Variants in SLIT1 observed in about 807,000 individuals in gnomAD.
The protein encoded by SLIT1 is slit guidance ligand 1.
Under a neutral mutation model 186.1 loss-of-function variants are expected in SLIT1, and 66 were observed. The observed-to-expected ratio is 0.35, with a 90% CI of 0.29 to 0.44. The LOEUF (loss-of-function observed/expected upper bound fraction) is 0.44, where lower values mean the gene tolerates loss of function less well. Ranked by LOEUF, SLIT1 falls within the 20% of genes least tolerant of loss-of-function variation. The pLI, the probability that SLIT1 is intolerant of heterozygous loss-of-function variation, is 1.00. For synonymous variants in SLIT1, 761 were observed against 833.8 expected (o/e 0.91, Z 1.50); for missense variants, 1,638 against 2,037.4 (o/e 0.80, Z 3.77).
rs550653186 is a variant in SLIT1 at position 97,031,894 on chromosome 10, C to T, written c.2439-217G>A. ...AATCCCTTCTGCCTCAATCAGTTCCCCCGACTGTAAAATAGGGACAAAAAT... is the reference window on the plus strand; with the variant it reads ...AATCCCTTCTGCCTCAATCAGTTCCTCCGACTGTAAAATAGGGACAAAAAT... On this transcript the variant is annotated intron_variant, in intron 23 of 36. Coordinates refer to ENST00000266058, the MANE Select transcript of SLIT1 (RefSeq NM_003061.3). Among the ~76,000 whole-genome samples the T allele has an allele frequency of 4.2e-4, 64 of 152,378 alleles. 1 individual carries two copies. The South Asian group carries it at 0.013, about 31-fold the overall frequency.
intron 4 of SLIT1, among the ~76,000 whole-genome samples, chr10:97,119,943 A>ATATATATATATATATATG (rs1298104412): frequency 3.7e-5 from 5 of 135,420 alleles, no homozygotes; most frequent in Non-Finnish European, 6.4e-5. Context: ...ATATATATAT[A>ATATATATATATATATATG]TATGTATATG....
At chr10:97,056,911 C>G (rs550610044) in intron 12 of SLIT1, among the ~76,000 whole-genome samples, 123 of 152,300 alleles carry the variant, frequency 8.1e-4, no homozygotes, top group South Asian at 3.7e-3. Flanking sequence ...TGGGTGTCCC[C>G]CCTGCAGGAG....
chr10:97,129,150 C>T (rs950585843), intron 4 of SLIT1, among the ~76,000 whole-genome samples: 4 of 152,044 alleles, frequency 2.6e-5, no homozygotes, highest in African/African-American at 9.7e-5. Flanking sequence ...GTCTGTTATC[C>T]CAACACTTTG....
Position 97,043,584 on chromosome 10 carries a change from T to G in SLIT1, c.1854-71A>C. 1 of 1,435,864 alleles carries G rather than the reference T, an allele frequency of 7.0e-7. No homozygotes were observed. The highest frequency in any genetic ancestry group is 9.7e-7 in the Non-Finnish European group (1 of 1,034,838). 88.9% of individuals were successfully genotyped at this position (1,435,864 alleles called of 1,614,324 possible). ...CAGCCATCCACCTGGGCCACGCAGCTTCCGCCATCGTGGCTCGTTCACAGT... is the reference window on the plus strand; with the variant it reads ...CAGCCATCCACCTGGGCCACGCAGCGTCCGCCATCGTGGCTCGTTCACAGT... On this transcript the variant is annotated intron_variant, in intron 18 of 36. Transcript: ENST00000266058. This position sits in a 1 kb window ranked among gnomAD's most constrained non-coding sequence, Gnocchi z 7.0.
At chr10:97,163,964 A>T (rs71486113) in intron 2 of SLIT1, among the ~76,000 whole-genome samples, 3,423 of 152,070 alleles carry the variant, frequency 0.023, 49 homozygotes, top group Non-Finnish European at 0.033. Flanking sequence ...GCAGCAACAC[A>T]CTCTACAATT....
chr10:97,045,766 G>A lies in SLIT1; in HGVS notation c.1853+888C>T, dbSNP rs560733688. 9.2e-5 allele frequency among the ~76,000 whole-genome samples: 14 copies of A among 152,222 alleles called. No individual in the cohort carries two copies. In the East Asian group the frequency reaches 2.1e-3, roughly 23 times the overall value. On this transcript the variant is annotated intron_variant, in intron 18 of 36. Coordinates refer to ENST00000266058, the MANE Select transcript of SLIT1 (RefSeq NM_003061.3). ...AAAATTTGCTTTTTGTAAAATAAAG[G>A]AACAAAAATCCACAGGGAGTCCTGT...
chr10:97,106,671 G>A (rs552564824), intron 4 of SLIT1, among the ~76,000 whole-genome samples: 2 of 151,010 alleles, frequency 1.3e-5, no homozygotes, highest in East Asian at 1.9e-4. Context: ...GCCCAGTTAG[G>A]TCATTCACAC....
At chr10:97,065,834 G>T (rs896122582) in intron 5 of SLIT1, among the ~76,000 whole-genome samples, 181 bp downstream of exon 5, 1 of 152,194 alleles carries the variant, frequency 6.6e-6, no homozygotes, top group African/African-American at 2.4e-5. Context: ...AGAGGCAAGG[G>T]CTGCCTGTTT....
chr10:97,077,340 G>T (rs529784215), intron 4 of SLIT1, among the ~76,000 whole-genome samples: 1 of 151,970 alleles, frequency 6.6e-6, no homozygotes, highest in Non-Finnish European at 1.5e-5. Context: ...GCTTGGCTGC[G>T]GTCCTTTGAG....
At chr10:97,156,011 C>A (rs1849946484) in intron 4 of SLIT1, among the ~76,000 whole-genome samples, 1 of 152,216 alleles carries the variant, frequency 6.6e-6, no homozygotes. Context: ...ACGGAGGCAC[C>A]TGCTGGGAAG....
At chr10:97,088,744 G>T (rs908909436) in intron 4 of SLIT1, among the ~76,000 whole-genome samples, 2 of 152,126 alleles carry the variant, frequency 1.3e-5, no homozygotes, top group Admixed American at 1.3e-4. Flanking sequence ...AGTGAGTGAG[G>T]GGAGCACCTT....
At position 97,002,907 on chromosome 10, in the gene SLIT1, C is replaced by T. The variant is rs558614229; in HGVS notation, c.3951G>A (p.Leu1317=). The T allele has an allele frequency of 6.2e-7, 1 of 1,614,244 alleles. No individual in the cohort carries two copies. The highest frequency in any genetic ancestry group is 1.1e-5 in the South Asian group (1 of 91,084). ...AGTCCTGCAGCTCGTTGTTGATGTACAGGTTTCGGATGCAACCGTGGAAGC... is the reference window on the plus strand; with the variant it reads ...AGTCCTGCAGCTCGTTGTTGATGTATAGGTTTCGGATGCAACCGTGGAAGC... ...GTGFHGCIRN[L]YINNELQDFT... The change falls in exon 35 of 37, where the codon CTG becomes CTA. Residue 1317 remains leucine (L), a synonymous_variant. Coordinates refer to ENST00000266058, the MANE Select transcript of SLIT1 (RefSeq NM_003061.3).
At position 97,165,203 on chromosome 10, in the gene SLIT1, G is replaced by A. The variant is rs181012385; in HGVS notation, c.198-313C>T. 7.1e-4 allele frequency among the ~76,000 whole-genome samples: 108 copies of A among 152,290 alleles called. 1 individual carries two copies. The highest frequency in any genetic ancestry group is 1.5e-3 in the East Asian group (8 of 5,184). On this transcript the variant is annotated intron_variant, in intron 1 of 36. Coordinates refer to ENST00000266058, the MANE Select transcript of SLIT1 (RefSeq NM_003061.3). ...GAGACATTCACCCAGGGAAGAATCC[G>A]GAAACTAGTCAAGAAGACAGGCTAT...
Position 97,185,861 on chromosome 10 carries a change from G to A in SLIT1, c.-187C>T, listed in dbSNP as rs1850408391. On this transcript the variant is annotated 5_prime_UTR_variant, in exon 1 of 37. Transcript: ENST00000266058. Reference sequence around the variant, plus strand: ...CGACGGCGCCTGTGCGCGGACGGAGGGAGGGCGCCTTGGGCGGAGGGGGCT... The same window carrying A: ...CGACGGCGCCTGTGCGCGGACGGAGAGAGGGCGCCTTGGGCGGAGGGGGCT... 1 of 522,310 alleles carries A rather than the reference G, an allele frequency of 1.9e-6. No homozygotes were observed. Among genetic ancestry groups the A allele is most frequent in the Non-Finnish European group, 3.2e-6 (1 of 308,226 alleles). 32.4% of individuals were successfully genotyped at this position (522,310 alleles called of 1,614,324 possible). A position where few individuals can be genotyped will look rare whatever the true frequency, so the allele number is the denominator to read the frequency against.
At chr10:97,141,771 CGTACTGTATTGTATT>C (rs1198693441) in intron 4 of SLIT1, among the ~76,000 whole-genome samples, 11 of 146,338 alleles carry the variant, frequency 7.5e-5, no homozygotes, top group Admixed American at 3.4e-4. Flanking sequence ...CGTATTGTAT[CGTACTGTATTGTATT>C]GTACTGTATT....
At chr10:97,164,981 T>C (rs1461151663) in intron 1 of SLIT1, 91 bp from the exon 2 acceptor site, 1 of 953,752 alleles carries the variant, frequency 1.0e-6, no homozygotes, top group Non-Finnish European at 1.7e-6. Flanking sequence ...CCCGCCTGGA[T>C]CAGCCAGTCG....
intron 13 of SLIT1, among the ~76,000 whole-genome samples, chr10:97,049,490 C>T (rs1848768716): frequency 6.6e-6 from 1 of 152,242 alleles, no homozygotes; most frequent in African/African-American, 2.4e-5. Flanking sequence ...CACCCCTGGC[C>T]TTTCACAGGC....
intron 8 of SLIT1, among the ~76,000 whole-genome samples, chr10:97,062,932 G>A (rs780386165): frequency 3.9e-5 from 6 of 152,258 alleles, no homozygotes; most frequent in Non-Finnish European, 7.3e-5. Context: ...GAAGGTGAAA[G>A]GGTGTGGGCT....
chr10:97,037,807 T>G (rs768016057), intron 21 of SLIT1, 41 bp from the exon 22 acceptor site: 16 of 1,524,992 alleles, frequency 1.0e-5, no homozygotes, highest in African/African-American at 2.7e-5. Flanking sequence ...CATCTCCACC[T>G]CTGGTGGTGC....
Sources: allele counts gnomAD v4.1 joint callset (sites outside exome capture counted in the v4.1 genomes callset), GRCh38; gene constraint gnomAD v4.1.1; non-coding constraint Gnocchi (gnomAD v3.1); transcripts MANE v1.5; gene names NCBI Gene and HGNC (gene_info 2026-07-23, HGNC 2026-07-21).